The following GNG7 variants were observed in gnomAD, a reference collection of about 807,000 sequenced individuals.
GNG7 encodes the protein G protein subunit gamma 7.
Under a neutral mutation model 4.0 loss-of-function variants are expected in GNG7, and 1 was observed. That is an observed-to-expected ratio of 0.25 (90% CI 0.09 to 1.18). The LOEUF (loss-of-function observed/expected upper bound fraction) is 1.18. Ranked by LOEUF, GNG7 falls within the 50% of genes most tolerant of loss-of-function variation. The pLI, the probability that GNG7 is intolerant of heterozygous loss-of-function variation, is 0.50. For missense variants in GNG7, 86 were observed against 91.9 expected (o/e 0.94, Z 0.26); for synonymous variants, 34 against 36.9 (o/e 0.92, Z 0.29).
At chr19:2,592,644 G>T (rs1332615593) in intron 2 of GNG7, among the ~76,000 whole-genome samples, 1 of 150,306 alleles carries the variant, frequency 6.7e-6, no homozygotes, top group African/African-American at 2.4e-5. Flanking sequence ...CGTTGAGGCA[G>T]AAGGATTGCT....
At chr19:2,662,831 G>T (rs532738490) in intron 1 of GNG7, among the ~76,000 whole-genome samples, 52 of 152,176 alleles carry the variant, frequency 3.4e-4, no homozygotes, top group African/African-American at 1.2e-3. Flanking sequence ...ACAGCTAAAG[G>T]TTCCAGCCCT....
intron 2 of GNG7, among the ~76,000 whole-genome samples, chr19:2,568,112 CAT>C (rs1979981391): frequency 1.3e-5 from 2 of 151,562 alleles, no homozygotes; most frequent in Admixed American, 6.6e-5. Context: ...CACACATGCA[CAT>C]ACACACATAT....
chr19:2,520,498 G>T, intron 4 of GNG7, 110 bp downstream of exon 4: 1 of 644,492 alleles, frequency 1.6e-6, no homozygotes, highest in East Asian at 2.8e-5. Flanking sequence ...CACACAGCAA[G>T]AGACACAGTT....
At chr19:2,684,782 A>G (rs1477025993) in intron 1 of GNG7, among the ~76,000 whole-genome samples, 1 of 151,884 alleles carries the variant, frequency 6.6e-6, no homozygotes, top group African/African-American at 2.4e-5. Flanking sequence ...TGAGGTCAGG[A>G]GTTCACGACC....
intron 1 of GNG7, among the ~76,000 whole-genome samples, chr19:2,690,238 C>T (rs1311622823): frequency 2.6e-5 from 4 of 151,860 alleles, no homozygotes; most frequent in East Asian, 1.9e-4. Context: ...AAAAATTAGC[C>T]GAGTGTGGTG....
chr19:2,581,179 A>G (rs1404242359), intron 2 of GNG7, among the ~76,000 whole-genome samples: 1 of 151,982 alleles, frequency 6.6e-6, no homozygotes, highest in Non-Finnish European at 1.5e-5. Flanking sequence ...GATGTCCCTC[A>G]CTAGAAGTGC....
intron 2 of GNG7, among the ~76,000 whole-genome samples, chr19:2,631,627 A>G (rs1982161467): frequency 6.6e-6 from 1 of 152,066 alleles, no homozygotes; most frequent in Non-Finnish European, 1.5e-5. Context: ...ACAAACAGGG[A>G]GTGGAGGGGG....
intron 1 of GNG7, among the ~76,000 whole-genome samples, chr19:2,685,562 C>T (rs2144904280): frequency 6.6e-6 from 1 of 151,756 alleles, no homozygotes; most frequent in East Asian, 2.0e-4. Context: ...GAGGCAGAGG[C>T]TGCAGGGAGC....
At chr19:2,592,389 A>C (rs565889127) in intron 2 of GNG7, among the ~76,000 whole-genome samples, 5 of 152,278 alleles carry the variant, frequency 3.3e-5, no homozygotes, top group Admixed American at 1.3e-4. Context: ...TGTGGCAGAA[A>C]ACATCACTTT....
At chr19:2,649,006 A>G (rs1003633274) in intron 1 of GNG7, among the ~76,000 whole-genome samples, 2 of 150,936 alleles carry the variant, frequency 1.3e-5, no homozygotes, top group South Asian at 4.2e-4. Flanking sequence ...CTCCTTCCTC[A>G]GCCTCCTGAG....
At chr19:2,599,127 G>T (rs1278476828) in intron 2 of GNG7, among the ~76,000 whole-genome samples, 1 of 152,188 alleles carries the variant, frequency 6.6e-6, no homozygotes, top group East Asian at 1.9e-4. Context: ...GCCTGGGGTG[G>T]GGGCGTGCCG....
At chr19:2,574,234 C>T (rs1040119610) in intron 2 of GNG7, among the ~76,000 whole-genome samples, 5 of 152,252 alleles carry the variant, frequency 3.3e-5, no homozygotes, top group Admixed American at 3.3e-4. Context: ...TCATATGACG[C>T]TGGAGCCGGA....
intron 4 of GNG7, among the ~76,000 whole-genome samples, chr19:2,518,499 G>A (rs867928300): frequency 6.6e-6 from 1 of 152,178 alleles, no homozygotes; most frequent in African/African-American, 2.4e-5. Context: ...GTTGGATCCC[G>A]GCCAGCAGCA....
rs143067235 is a variant in GNG7 at position 2,618,591 on chromosome 19, C to G, written c.-78+27633G>C. Among the ~76,000 whole-genome samples the G allele has an allele frequency of 0.021, 3,132 of 152,120 alleles. 44 individuals are homozygous for G. The highest frequency in any genetic ancestry group is 0.079 in the Middle Eastern group (23 of 292). ...CTCGAACTCCTGACCTCAAATGATC[C>G]ACCCGCCTCGGCCTCCCAAAGTGCT... On this transcript the variant is annotated intron_variant, in intron 2 of 4. Transcript: ENST00000382159. The surrounding 1 kb of genome is among the most constrained non-coding windows in gnomAD (Gnocchi z 5.1).
Position 2,671,997 on chromosome 19 carries a change from G to A in GNG7, c.-134-25717C>T, listed in dbSNP as rs1174620269. The stretch of plus-strand genomic sequence containing the variant: ...ACCCGGGAGGTGGAGCTTGCAGTGA[G>A]CCGAGATTGCGTCACTGCCCTCCAG... On this transcript the variant is annotated intron_variant, in intron 1 of 4. Coordinates refer to ENST00000382159, the MANE Select transcript of GNG7 (RefSeq NM_052847.3). Among the ~76,000 whole-genome samples, 3 of 139,332 alleles carry A rather than the reference G, an allele frequency of 2.2e-5. No homozygotes were observed. The Admixed American group carries it at 2.2e-4, about 10-fold the overall frequency. 91.4% of individuals were successfully genotyped at this position (139,332 alleles called of 152,430 possible). A position where few individuals can be genotyped will look rare whatever the true frequency, so the allele number is the denominator to read the frequency against.
intron 1 of GNG7, among the ~76,000 whole-genome samples, chr19:2,668,681 A>G (rs1599452593): frequency 6.6e-6 from 1 of 152,140 alleles, no homozygotes; most frequent in East Asian, 1.9e-4. Context: ...TTATGGATGG[A>G]AAGTTCTAGA....
Position 2,520,708 on chromosome 19 carries a change from GC to G in GNG7, c.-21del. On this transcript the variant is annotated 5_prime_UTR_variant, in exon 4 of 5. Transcript: ENST00000382159. Reference sequence around the variant, plus strand: ...TGACATTGTCTGCCATCAGCTCTGGGCCCCGTTGTTCAGAGAGCTGTGGGGG... The same window carrying G: ...TGACATTGTCTGCCATCAGCTCTGGGCCCGTTGTTCAGAGAGCTGTGGGGG... 6.8e-7 allele frequency: 1 copy of G among 1,461,202 alleles called. No individual in the cohort carries two copies. The highest frequency in any genetic ancestry group is 9.4e-7 in the Non-Finnish European group (1 of 1,064,878). 90.5% of individuals were successfully genotyped at this position (1,461,202 alleles called of 1,614,324 possible).
At chr19:2,536,944 TTA>T (rs1978757003) in intron 3 of GNG7, among the ~76,000 whole-genome samples, 2 of 149,640 alleles carry the variant, frequency 1.3e-5, no homozygotes, top group East Asian at 1.9e-4. Flanking sequence ...ATTTTTATTT[TTA>T]TTTTTATTTT....
At chr19:2,606,056 C>T (rs867820734) in intron 2 of GNG7, among the ~76,000 whole-genome samples, 2 of 152,152 alleles carry the variant, frequency 1.3e-5, no homozygotes, top group Non-Finnish European at 1.5e-5. Flanking sequence ...GCCCCGCAGT[C>T]GGGCAAGCTT....
Sources: allele counts gnomAD v4.1 joint callset (sites outside exome capture counted in the v4.1 genomes callset), GRCh38; gene constraint gnomAD v4.1.1; non-coding constraint Gnocchi (gnomAD v3.1); transcripts MANE v1.5; gene names NCBI Gene and HGNC (gene_info 2026-07-23, HGNC 2026-07-21).